The following CNTN5 variants were observed in gnomAD, a reference collection of about 807,000 sequenced individuals.
CNTN5 encodes contactin-5.
A neutral mutation model predicts 129.1 loss-of-function variants in CNTN5; 77 were observed. The ratio of observed to expected loss-of-function variants is 0.60; its 90% CI spans 0.50 to 0.72. The LOEUF is 0.72. CNTN5 is among the 30% of genes least tolerant of loss of function. CNTN5 has a pLI of 0.00. For synonymous variants in CNTN5, 509 were observed against 465.6 expected (o/e 1.09, Z -1.20); for missense variants, 1,478 against 1,328.8 (o/e 1.11, Z -1.75).
chr11:99,655,440 G>T (rs769521827), intron 3 of CNTN5, among the ~76,000 whole-genome samples: 2 of 152,114 alleles, frequency 1.3e-5, no homozygotes, highest in Non-Finnish European at 2.9e-5. Flanking sequence ...TTAAAAGTTA[G>T]ATATGCAGAC....
intron 3 of CNTN5, among the ~76,000 whole-genome samples, chr11:99,620,027 A>AAAAAAAAAAG (rs1555049930): frequency 7.7e-6 from 1 of 129,046 alleles, no homozygotes; most frequent in Non-Finnish European, 1.6e-5. Context: ...CTCCGTCTCA[A>AAAAAAAAAAG]AAAAAAAAAA....
intron 13 of CNTN5, among the ~76,000 whole-genome samples, chr11:100,092,522 C>T (rs1208400534): frequency 6.6e-6 from 1 of 152,142 alleles, no homozygotes; most frequent in Non-Finnish European, 1.5e-5. Context: ...TTTCACAAAC[C>T]ACTTAATGCT....
intron 3 of CNTN5, among the ~76,000 whole-genome samples, chr11:99,721,201 C>T (rs1943159489): frequency 1.3e-5 from 2 of 152,052 alleles, no homozygotes; most frequent in South Asian, 4.1e-4. Flanking sequence ...GCAAAAGGGA[C>T]AAAGCTTTTG....
At chr11:100,155,261 T>C (rs1351559620) in intron 13 of CNTN5, among the ~76,000 whole-genome samples, 1 of 152,048 alleles carries the variant, frequency 6.6e-6, no homozygotes, top group East Asian at 1.9e-4. Flanking sequence ...TTCCCAACAC[T>C]ATTTATTACA....
At chr11:100,012,506 C>T (rs1275608401) in intron 9 of CNTN5, among the ~76,000 whole-genome samples, 3 of 152,034 alleles carry the variant, frequency 2.0e-5, no homozygotes, top group African/African-American at 7.2e-5. Context: ...GAAACAGGAC[C>T]AATTTATTAT....
chr11:100,145,928 T>C (rs1389003676), intron 13 of CNTN5, among the ~76,000 whole-genome samples: 1 of 152,200 alleles, frequency 6.6e-6, no homozygotes, highest in East Asian at 1.9e-4. Flanking sequence ...AGTCATGATT[T>C]GCTCATTAAA....
rs569546017 is a variant in CNTN5, at chr11:100,328,041, G to A, written c.2731-12422G>A. 4.6e-5 allele frequency among the ~76,000 whole-genome samples: 7 copies of A among 152,174 alleles called. No individual in the cohort carries two copies. In the East Asian group the frequency reaches 1.4e-3, roughly 30 times the overall value. Reference sequence around the variant, plus strand: ...AGAAGTAACAGAATACAAGTGCTAAGAGTTGTATTTTTAAAACCTAACAAG... The same window carrying A: ...AGAAGTAACAGAATACAAGTGCTAAAAGTTGTATTTTTAAAACCTAACAAG... On this transcript the variant is annotated intron_variant, in intron 21 of 24. Transcript: ENST00000524871.
At chr11:99,514,164 A>G (rs1382159405) in intron 2 of CNTN5, among the ~76,000 whole-genome samples, 1 of 152,100 alleles carries the variant, frequency 6.6e-6, no homozygotes, top group African/African-American at 2.4e-5. Flanking sequence ...AATAGTAAGA[A>G]AATTAGAATT....
intron 1 of CNTN5, among the ~76,000 whole-genome samples, chr11:99,058,902 G>T (rs1369777288): frequency 6.6e-6 from 1 of 150,662 alleles, no homozygotes; most frequent in Non-Finnish European, 1.5e-5. Context: ...AAGGGAAACT[G>T]ATGGTGGGCA....
intron 6 of CNTN5, among the ~76,000 whole-genome samples, chr11:99,907,269 A>G (rs1015862923): frequency 3.3e-5 from 5 of 152,078 alleles, no homozygotes; most frequent in African/African-American, 1.2e-4. Flanking sequence ...AGTGATATTG[A>G]TAGAAATAAA....
intron 3 of CNTN5, among the ~76,000 whole-genome samples, chr11:99,722,382 A>C (rs897868532): frequency 5.9e-5 from 9 of 152,160 alleles, no homozygotes; most frequent in African/African-American, 2.2e-4. Context: ...AATGCAGGAC[A>C]GAAAACCAAA....
At chr11:99,087,667 A>T (rs1281362501) in intron 1 of CNTN5, among the ~76,000 whole-genome samples, 1 of 152,210 alleles carries the variant, frequency 6.6e-6, no homozygotes, top group Non-Finnish European at 1.5e-5. Context: ...TGTCTTTTCT[A>T]ATAATAAATG....
At chr11:100,059,640 C>A (rs1943379790) in intron 9 of CNTN5, among the ~76,000 whole-genome samples, 1 of 151,984 alleles carries the variant, frequency 6.6e-6, no homozygotes. Context: ...CAATAAAATA[C>A]CATTTTTTGC....
chr11:99,763,743 A>C (rs1158952806), intron 3 of CNTN5, among the ~76,000 whole-genome samples: 1 of 152,114 alleles, frequency 6.6e-6, no homozygotes, highest in Non-Finnish European at 1.5e-5. Context: ...ATCCTAAAGA[A>C]AAAGAAGATT....
At chr11:99,248,691 A>G (rs1565436301) in intron 1 of CNTN5, among the ~76,000 whole-genome samples, 1 of 152,018 alleles carries the variant, frequency 6.6e-6, no homozygotes, top group Non-Finnish European at 1.5e-5. Flanking sequence ...ATGGCTAGCC[A>G]GTTTTCCCAG....
At chr11:100,355,709 T>C (rs1952507186) in intron 24 of CNTN5, among the ~76,000 whole-genome samples, 1 of 151,748 alleles carries the variant, frequency 6.6e-6, no homozygotes, top group Non-Finnish European at 1.5e-5. Flanking sequence ...ATGTAGTCCA[T>C]GGTGGACTGA....
chr11:99,565,281 T>G (rs1451781031), intron 3 of CNTN5, among the ~76,000 whole-genome samples: 1 of 152,150 alleles, frequency 6.6e-6, no homozygotes, highest in Non-Finnish European at 1.5e-5. Context: ...ACTGAGGAAA[T>G]TTCTTCCAAA....
intron 3 of CNTN5, among the ~76,000 whole-genome samples, chr11:99,814,240 C>T (rs190817385): frequency 1.3e-5 from 2 of 152,146 alleles, no homozygotes; most frequent in Admixed American, 1.3e-4. Flanking sequence ...ATTAATGAAA[C>T]AAGGCTGAGT....
intron 1 of CNTN5, among the ~76,000 whole-genome samples, chr11:99,092,051 C>T (rs962229111): frequency 7.2e-5 from 11 of 151,950 alleles, no homozygotes; most frequent in African/African-American, 2.4e-4. Context: ...ATTTTTCTTC[C>T]CCAATTTTGC....
Sources: allele counts gnomAD v4.1 joint callset (sites outside exome capture counted in the v4.1 genomes callset), GRCh38; gene constraint gnomAD v4.1.1; transcripts MANE v1.5; gene names NCBI Gene and HGNC (gene_info 2026-07-23, HGNC 2026-07-21).